Variants in NEMF observed in about 807,000 individuals in gnomAD.
The protein encoded by NEMF is ribosome quality control complex subunit NEMF.
In NEMF, 89 loss-of-function variants were observed where a neutral mutation model predicts 162.2. That is an observed-to-expected ratio of 0.55 (90% CI 0.46 to 0.65). The LOEUF (loss-of-function observed/expected upper bound fraction) is 0.65, where lower values mean the gene tolerates loss of function less well. Among genes scored for constraint, NEMF ranks in the 30% least tolerant of loss-of-function variants. The probability of loss-of-function intolerance (pLI) is 0.00; values close to 1 mark genes in which losing one functional copy is unlikely to be tolerated. For missense variants in NEMF, 1,133 were observed against 1,261.9 expected (o/e 0.90, Z 1.55); for synonymous variants, 421 against 404.5 (o/e 1.04, Z -0.49).
chr14:49,783,000 T>C lies in NEMF; in HGVS notation c.*1636A>G, dbSNP rs1889982869. Reference sequence around the variant, plus strand: ...GATCACCTTGCATGGACAGCAATCCTGTAAACATCACAGAGTGGCATCATT... The same window carrying C: ...GATCACCTTGCATGGACAGCAATCCCGTAAACATCACAGAGTGGCATCATT... On this transcript the variant is annotated 3_prime_UTR_variant, in exon 33 of 33. Transcript: ENST00000298310. 6.3e-7 allele frequency: 1 copy of C among 1,580,006 alleles called. No homozygotes were observed. Among genetic ancestry groups the C allele is most frequent in the African/African-American group, 1.4e-5 (1 of 73,798 alleles).
At chr14:49,828,240 A>T in intron 15 of NEMF, 51 bp downstream of exon 15, 1 of 1,193,056 alleles carries the variant, frequency 8.4e-7, no homozygotes, top group Non-Finnish European at 1.3e-6. Context: ...TATGTCCATT[A>T]AATTACGCAG....
At position 49,825,930 on chromosome 14, in the gene NEMF, G is replaced by A. The variant is rs1276417088; in HGVS notation, c.1514C>T (p.Thr505Ile). The A allele has an allele frequency of 6.2e-7, 1 of 1,610,908 alleles. No individual in the cohort carries two copies. Among genetic ancestry groups the A allele is most frequent in the Non-Finnish European group, 8.5e-7 (1 of 1,177,798 alleles). Residue 505 changes from threonine (T) to isoleucine (I), a missense_variant, in exon 16 of 33, where the codon ACA becomes ATA. Coordinates refer to ENST00000298310, the MANE Select transcript of NEMF (RefSeq NM_004713.6). ...CTGAACTTCTTTTAATGTTTGCTTT[G>A]TTTTCTTTTCTGCTGACTTGAATGC... ...EKAFKSAEKKTKQTLKEVQTV... is the reference protein window; with the variant it reads ...EKAFKSAEKKIKQTLKEVQTV...
At position 49,785,076 on chromosome 14, in the gene NEMF, A is replaced by C; in HGVS notation, c.3073+16T>G. On this transcript the variant is annotated intron_variant, in intron 31 of 32. Coordinates refer to ENST00000298310, the MANE Select transcript of NEMF (RefSeq NM_004713.6). ...AACTGTTTAAAATCATAATTCAAAA[A>C]AACAAATTTAAATACCTTTTCCCTT... 6.2e-7 allele frequency: 1 copy of C among 1,607,218 alleles called. No individual in the cohort carries two copies. Among genetic ancestry groups the C allele is most frequent in the Non-Finnish European group, 8.5e-7 (1 of 1,174,080 alleles).
At chr14:49,798,302 T>G (rs1280862728) in intron 25 of NEMF, among the ~76,000 whole-genome samples, 1 of 152,224 alleles carries the variant, frequency 6.6e-6, no homozygotes, top group African/African-American at 2.4e-5. Flanking sequence ...CTCTATAGTT[T>G]TCACTTTGCA....
intron 3 of NEMF, chr14:49,849,584 T>C (rs960805337): frequency 3.9e-5 from 6 of 152,236 alleles, no homozygotes; most frequent in Non-Finnish European, 8.8e-5. Context: ...GATTGACACG[T>C]ACACCTAACC....
intron 7 of NEMF, 153 bp downstream of exon 7, chr14:49,834,210 C>G: frequency 1.6e-6 from 1 of 612,606 alleles, no homozygotes; most frequent in Admixed American, 2.6e-5. Flanking sequence ...CCCACCTTAG[C>G]CTCCCAAAGT....
At chr14:49,851,901 C>T in intron 1 of NEMF, 26 bp from the exon 2 acceptor site, 1 of 1,354,282 alleles carries the variant, frequency 7.4e-7, no homozygotes, top group South Asian at 1.3e-5. Flanking sequence ...AAACATGTAA[C>T]ATGTTACACT....
At chr14:49,798,950 A>G (rs1368590155) in intron 25 of NEMF, among the ~76,000 whole-genome samples, 1 of 151,986 alleles carries the variant, frequency 6.6e-6, no homozygotes, top group Non-Finnish European at 1.5e-5. Context: ...ACAATGGCTC[A>G]TGTCTGTAAT....
chr14:49,814,187 C>T (rs1594760329), intron 17 of NEMF, 137 bp from the exon 18 acceptor site: 1 of 570,092 alleles, frequency 1.8e-6, no homozygotes, highest in East Asian at 3.3e-5. Flanking sequence ...GCAACTTCTG[C>T]CCCCAAGGTT....
intron 16 of NEMF, among the ~76,000 whole-genome samples, chr14:49,817,510 T>G (rs938456292): frequency 1.3e-5 from 2 of 152,142 alleles, no homozygotes; most frequent in African/African-American, 4.8e-5. Flanking sequence ...CTCATCTAGT[T>G]ACACCTGACA....
At position 49,828,857 on chromosome 14, in the gene NEMF, T is replaced by C. The variant is rs1286990249; in HGVS notation, c.1233-50A>G. On this transcript the variant is annotated intron_variant, in intron 13 of 32. Transcript: ENST00000298310. The stretch of plus-strand genomic sequence containing the variant: ...TCACTAACGTCAATGACATCACTTT[T>C]ATTTTCAATTTTCTTCTTCAATAAA... The C allele has an allele frequency of 2.8e-6, 4 of 1,418,112 alleles. No individual in the cohort carries two copies. In the African/African-American group the frequency reaches 5.8e-5, roughly 20 times the overall value. The allele number at this position is 1,418,112 out of a possible 1,614,324, so 87.8% of individuals were successfully genotyped here.
At chr14:49,788,713 C>G (rs916193300) in intron 28 of NEMF, among the ~76,000 whole-genome samples, 1 of 152,066 alleles carries the variant, frequency 6.6e-6, no homozygotes. Flanking sequence ...CACCACCACA[C>G]CCGGCTAATT....
chr14:49,832,360 C>T (rs1892687444), intron 8 of NEMF, 83 bp from the exon 9 acceptor site: 2 of 921,986 alleles, frequency 2.2e-6, no homozygotes, highest in Non-Finnish European at 3.3e-6. Context: ...TACAGTCGCG[C>T]TCGCTCCATC....
intron 25 of NEMF, among the ~76,000 whole-genome samples, chr14:49,798,863 T>C (rs557491327): frequency 6.6e-6 from 1 of 151,458 alleles, no homozygotes; most frequent in Non-Finnish European, 1.5e-5. Flanking sequence ...GCCGAGATCA[T>C]GCCACTGCAC....
chr14:49,797,395 G>C (rs1172775262), intron 25 of NEMF: 3 of 151,576 alleles, frequency 2.0e-5, no homozygotes, highest in African/African-American at 7.3e-5. Flanking sequence ...ACTTTGGGAG[G>C]CCAAGGCGGG....
chr14:49,838,174 C>A lies in NEMF; in HGVS notation c.539G>T (p.Gly180Val), dbSNP rs565611348. 1.9e-6 allele frequency: 3 copies of A among 1,613,930 alleles called. No individual in the cohort carries two copies. In the African/African-American group the frequency reaches 4.0e-5, roughly 22 times the overall value. Residue 180 changes from glycine (G) to valine (V), a missense_variant, in exon 6 of 33, where the codon GGT (glycine) becomes GTT (valine). This residue lies in a region of NEMF where 582 missense variants were observed against 631.5 expected (regional missense o/e 0.92). Coordinates refer to ENST00000298310, the MANE Select transcript of NEMF (RefSeq NM_004713.6). ...GTTAAGCACCCTCTTCAGTAGTTCACCCTTAGGTGCGCTGGCTACTATTTC... is the reference window on the plus strand; with the variant it reads ...GTTAAGCACCCTCTTCAGTAGTTCAACCTTAGGTGCGCTGGCTACTATTTC... ...LTEIVASAPK[G>V]ELLKRVLNPL...
chr14:49,838,033 G>C (rs1892994196), intron 6 of NEMF, 106 bp downstream of exon 6: 1 of 794,892 alleles, frequency 1.3e-6, no homozygotes. Context: ...CTTACTCCAA[G>C]GATCACTTGT....
In NEMF at chr14:49,785,014, C is replaced by T. The variant is rs762992797; in HGVS notation, c.3074-10G>A. ...AAGGCTGTTTTTGCAGCTGTAAATA[C>T]AAAAAAGAGTAAGAATAATCTACTG... On this transcript the variant is annotated splice_polypyrimidine_tract_variant and intron_variant, in intron 31 of 32. Transcript: ENST00000298310. 1 of 1,611,278 alleles carries T rather than the reference C, an allele frequency of 6.2e-7. No homozygotes were observed. The highest frequency in any genetic ancestry group is 1.7e-5 in the Admixed American group (1 of 59,686).
At chr14:49,823,142 G>C (rs1892167412) in intron 16 of NEMF, among the ~76,000 whole-genome samples, 1 of 151,932 alleles carries the variant, frequency 6.6e-6, no homozygotes, top group African/African-American at 2.4e-5. Flanking sequence ...TTTTCACCAT[G>C]TTGGCCAGGT....
Sources: gnomAD v4.1 joint callset for allele counts (sites outside exome capture counted in the v4.1 genomes callset) on GRCh38, gnomAD v4.1.1 for gene constraint, gnomAD v4.1.1 regional missense constraint, MANE v1.5 for transcripts, NCBI Gene and HGNC (gene_info 2026-07-23, HGNC 2026-07-21) for gene names.